Variants in FAM193A observed in about 807,000 individuals in gnomAD.
The protein encoded by FAM193A is protein FAM193A.
Under a neutral mutation model 126.5 loss-of-function variants are expected in FAM193A, and 22 were observed. That is an observed-to-expected ratio of 0.17 (90% confidence interval 0.12 to 0.25). The LOEUF (loss-of-function observed/expected upper bound fraction) is 0.25. Among genes scored for constraint, FAM193A ranks in the 10% least tolerant of loss-of-function variants. FAM193A has a pLI of 1.00. For missense variants in FAM193A, 1,675 were observed against 1,672.8 expected (o/e 1.00, Z -0.02); for synonymous variants, 761 against 646.8 (o/e 1.18, Z -2.68).
chr4:2,611,725 C>T (rs1053036288), intron 2 of FAM193A, among the ~76,000 whole-genome samples: 1 of 152,112 alleles, frequency 6.6e-6, no homozygotes, highest in Non-Finnish European at 1.5e-5. Flanking sequence ...AATCTCAATA[C>T]AAGCCCTTTA....
At chr4:2,648,347 A>T (rs1745345973) in intron 7 of FAM193A, among the ~76,000 whole-genome samples, 1 of 152,202 alleles carries the variant, frequency 6.6e-6, no homozygotes. Context: ...ACAGCACGTC[A>T]GGGTGAGGAG....
rs1175468506 is a variant in FAM193A at position 2,694,963 on chromosome 4, G to A, written c.3110G>A (p.Gly1037Glu). ...TTTTGCAGTGACCCTGACTGCGAAG[G>A]GCACCGCTGCGAGAATGGTGTCTAC... is the stretch of plus-strand genomic sequence containing the variant. ...PSVCSDPDCEGHRCENGVYDP... is the reference protein window; with the variant it reads ...PSVCSDPDCEEHRCENGVYDP... The change falls in exon 17 of 21, where the codon GGG becomes GAG. Residue 1037 changes from glycine (G) to glutamate (E), a missense_variant. Transcript: ENST00000637812. 2 of 1,601,862 alleles carry A rather than the reference G, an allele frequency of 1.2e-6. No homozygotes were observed. Among genetic ancestry groups the A allele is most frequent in the Admixed American group, 3.5e-5 (2 of 57,860 alleles).
chr4:2,589,626 C>T (rs930940745), intron 1 of FAM193A, among the ~76,000 whole-genome samples: 1 of 152,148 alleles, frequency 6.6e-6, no homozygotes, highest in East Asian at 1.9e-4. Flanking sequence ...TTGTGCCTAA[C>T]TCATGATATG....
At chr4:2,642,134 CAAAAAAAA>C (rs35799531) in intron 6 of FAM193A, among the ~76,000 whole-genome samples, 1 of 86,230 alleles carries the variant, frequency 1.2e-5, no homozygotes, top group African/African-American at 4.3e-5. Context: ...ACTAAAAATA[CAAAAAAAA>C]AAAAAAAAAA....
chr4:2,542,905 G>C (rs1308143703), intron 1 of FAM193A, among the ~76,000 whole-genome samples: 9 of 152,134 alleles, frequency 5.9e-5, no homozygotes, highest in Non-Finnish European at 1.3e-4. Flanking sequence ...GAGCCAAAGA[G>C]GGTGTTTCTG....
intron 2 of FAM193A, among the ~76,000 whole-genome samples, chr4:2,622,613 A>G (rs1039416900): frequency 3.3e-5 from 5 of 152,142 alleles, no homozygotes; most frequent in East Asian, 1.9e-4. Flanking sequence ...GCTTGTAAAC[A>G]GCGGACATTT....
At chr4:2,537,340 C>T (rs1736941357) in intron 1 of FAM193A, among the ~76,000 whole-genome samples, 170 bp downstream of exon 1, 1 of 152,150 alleles carries the variant, frequency 6.6e-6, no homozygotes, top group African/African-American at 2.4e-5. Flanking sequence ...CGGGGCAGGG[C>T]GGCAGGTGGG....
chr4:2,650,476 G>GA (rs1745550022), intron 7 of FAM193A, among the ~76,000 whole-genome samples: 1 of 152,188 alleles, frequency 6.6e-6, no homozygotes, highest in Non-Finnish European at 1.5e-5. Flanking sequence ...AGGGAACGAA[G>GA]CGCACCTGCT....
At chr4:2,700,835 G>A (rs1380017207) in intron 19 of FAM193A, among the ~76,000 whole-genome samples, 1 of 152,116 alleles carries the variant, frequency 6.6e-6, no homozygotes, top group Non-Finnish European at 1.5e-5. Flanking sequence ...GCTTGGTGGT[G>A]CACCTGTAAT....
At chr4:2,658,668 G>A (rs967584242) in intron 8 of FAM193A, among the ~76,000 whole-genome samples, 3 of 152,170 alleles carry the variant, frequency 2.0e-5, no homozygotes, top group Non-Finnish European at 2.9e-5. Context: ...TCTCCTCTGG[G>A]CACCACAGGT....
At chr4:2,557,806 G>C (rs1738348671) in intron 1 of FAM193A, among the ~76,000 whole-genome samples, 1 of 152,000 alleles carries the variant, frequency 6.6e-6, no homozygotes, top group Non-Finnish European at 1.5e-5. Flanking sequence ...CAAAAAATTA[G>C]CCAGGTGTGG....
chr4:2,615,545 A>C (rs1413439227), intron 2 of FAM193A, among the ~76,000 whole-genome samples: 2 of 152,106 alleles, frequency 1.3e-5, no homozygotes, highest in African/African-American at 4.8e-5. Context: ...TTTGAGACGG[A>C]GCCTCACTCT....
chr4:2,718,681 T>G (rs181143966), intron 20 of FAM193A, among the ~76,000 whole-genome samples: 1 of 152,082 alleles, frequency 6.6e-6, no homozygotes, highest in Non-Finnish European at 1.5e-5. Context: ...GAGCCAAGAT[T>G]GTGCATCTAC....
chr4:2,729,497 T>A (rs1721138095), intron 20 of FAM193A, among the ~76,000 whole-genome samples: 1 of 152,108 alleles, frequency 6.6e-6, no homozygotes, highest in African/African-American at 2.4e-5. Context: ...GCACTTTCCT[T>A]CCTTTTGTTT....
At chr4:2,703,951 G>C (rs966671982) in intron 19 of FAM193A, among the ~76,000 whole-genome samples, 1 of 150,390 alleles carries the variant, frequency 6.6e-6, no homozygotes, top group African/African-American at 2.5e-5. Context: ...CAGCCTGGGT[G>C]ACAGAGTGAG....
At chr4:2,567,255 C>T (rs1489286362) in intron 1 of FAM193A, among the ~76,000 whole-genome samples, 1 of 152,094 alleles carries the variant, frequency 6.6e-6, no homozygotes, top group African/African-American at 2.4e-5. Context: ...GCCTGAGCCA[C>T]CACGCCCGGC....
chr4:2,675,953 G>C (rs188439531), intron 13 of FAM193A, among the ~76,000 whole-genome samples: 1 of 152,088 alleles, frequency 6.6e-6, no homozygotes, highest in African/African-American at 2.4e-5. Flanking sequence ...TCATGTTGTC[G>C]CATATTGCAG....
At chr4:2,651,708 G>T (rs900314744) in intron 7 of FAM193A, among the ~76,000 whole-genome samples, 1 of 152,234 alleles carries the variant, frequency 6.6e-6, no homozygotes, top group East Asian at 1.9e-4. Context: ...ATGACGTCAC[G>T]GCAGACGTGG....
chr4:2,651,412 G>T (rs781077199), intron 7 of FAM193A, among the ~76,000 whole-genome samples: 1 of 152,298 alleles, frequency 6.6e-6, no homozygotes, highest in South Asian at 2.1e-4. Flanking sequence ...TCACAGTTCC[G>T]CATGGCTGGG....
Sources: allele counts gnomAD v4.1 joint callset (sites outside exome capture counted in the v4.1 genomes callset), GRCh38; gene constraint gnomAD v4.1.1; transcripts MANE v1.5; gene names NCBI Gene and HGNC (gene_info 2026-07-23, HGNC 2026-07-21).